The following MEF2C variants were observed in gnomAD, a reference collection of about 807,000 sequenced individuals.
The protein encoded by MEF2C is myocyte enhancer factor 2C.
MEF2C carries 6 observed loss-of-function variants against 50.5 expected under a neutral mutation model. The ratio of observed to expected loss-of-function variants is 0.12; its 90% CI spans 0.07 to 0.23. MEF2C has a LOEUF of 0.23. Among genes scored for constraint, MEF2C ranks in the 10% least tolerant of loss-of-function variants. The pLI, the probability that MEF2C is intolerant of heterozygous loss-of-function variation, is 1.00. For synonymous variants in MEF2C, 183 were observed against 228.0 expected (o/e 0.80, Z 1.78); for missense variants, 276 against 605.0 (o/e 0.46, Z 5.70).
intron 3 of MEF2C, among the ~76,000 whole-genome samples, chr5:88,774,656 T>G (rs1420000281): frequency 6.6e-6 from 1 of 152,222 alleles, no homozygotes; most frequent in Non-Finnish European, 1.5e-5. Context: ...TTGAATCCAT[T>G]TATCCTCTGT....
chr5:88,870,837 G>A (rs1265503190), intron 1 of MEF2C, among the ~76,000 whole-genome samples: 2 of 152,020 alleles, frequency 1.3e-5, no homozygotes, highest in Non-Finnish European at 2.9e-5. Flanking sequence ...AAACCCTTTC[G>A]GGTTCAAGTC....
intron 6 of MEF2C, among the ~76,000 whole-genome samples, chr5:88,744,515 T>A (rs1768407448): frequency 6.6e-6 from 1 of 152,216 alleles, no homozygotes; most frequent in African/African-American, 2.4e-5. Context: ...ATCACACCAC[T>A]GCACTCCAGC....
chr5:88,766,218 A>C (rs927140060), intron 3 of MEF2C, among the ~76,000 whole-genome samples: 1 of 152,168 alleles, frequency 6.6e-6, no homozygotes, highest in Non-Finnish European at 1.5e-5. Flanking sequence ...AAAAATTCTA[A>C]TGAAATAGAA....
chr5:88,896,334 T>C (rs1835113304), intron 1 of MEF2C, among the ~76,000 whole-genome samples: 1 of 152,212 alleles, frequency 6.6e-6, no homozygotes, highest in Non-Finnish European at 1.5e-5. Flanking sequence ...ACTTACCCTG[T>C]GTGCTCTCCC....
intron 1 of MEF2C, among the ~76,000 whole-genome samples, chr5:88,877,091 T>C (rs1385909715): frequency 6.6e-6 from 1 of 152,066 alleles, no homozygotes; most frequent in East Asian, 1.9e-4. Context: ...GCTCCATTCA[T>C]TTCAAATTTA....
intron 1 of MEF2C, chr5:88,838,566 T>C (rs1161255881): frequency 1.0e-6 from 1 of 985,004 alleles, no homozygotes; most frequent in Non-Finnish European, 1.2e-6. Context: ...AGAATTCTCA[T>C]CTGAGAATTA....
chr5:88,878,500 G>A (rs1045492242), intron 1 of MEF2C, among the ~76,000 whole-genome samples: 4 of 151,956 alleles, frequency 2.6e-5, no homozygotes, highest in African/African-American at 9.7e-5. Context: ...ACCAAAGTTG[G>A]CACCCACTAA....
At chr5:88,792,907 C>T (rs1794434013) in intron 3 of MEF2C, among the ~76,000 whole-genome samples, 1 of 152,120 alleles carries the variant, frequency 6.6e-6, no homozygotes, top group Admixed American at 6.6e-5. Flanking sequence ...CAACGTTATG[C>T]CACATGATAA....
chr5:88,848,031 C>T (rs1475694662), intron 1 of MEF2C, among the ~76,000 whole-genome samples: 8 of 152,174 alleles, frequency 5.3e-5, no homozygotes, highest in African/African-American at 1.9e-4. Context: ...AAATAAACTT[C>T]ATTCAGCACG....
intron 3 of MEF2C, among the ~76,000 whole-genome samples, chr5:88,795,926 A>G (rs1795847338): frequency 6.6e-6 from 1 of 152,140 alleles, no homozygotes. Context: ...GTTTCTGTTT[A>G]TGTGATGGAT....
intron 3 of MEF2C, among the ~76,000 whole-genome samples, chr5:88,769,381 TC>T (rs1320698616): frequency 6.6e-6 from 1 of 152,110 alleles, no homozygotes; most frequent in Non-Finnish European, 1.5e-5. Flanking sequence ...GATTCAGGCT[TC>T]CTCAGGACAG....
At chr5:88,754,860 A>G (rs893336624) in intron 4 of MEF2C, among the ~76,000 whole-genome samples, 2 of 152,216 alleles carry the variant, frequency 1.3e-5, no homozygotes, top group African/African-American at 4.8e-5. Flanking sequence ...CACAGGCCCT[A>G]TTAAGCTCTA....
chr5:88,839,321 ATCTCTCTCTCTCTC>A (rs71613097), intron 1 of MEF2C: 5 of 141,820 alleles, frequency 3.5e-5, no homozygotes, highest in Admixed American at 1.4e-4. Flanking sequence ...ACGCCACATT[ATCTCTCTCTCTCTC>A]TCTCTCTCTC....
At chr5:88,895,394 C>T (rs1438504213) in intron 1 of MEF2C, among the ~76,000 whole-genome samples, 1 of 152,108 alleles carries the variant, frequency 6.6e-6, no homozygotes, top group African/African-American at 2.4e-5. Flanking sequence ...TGGATTTCAT[C>T]AGACTTATGA....
At chr5:88,789,663 C>T (rs1792803633) in intron 3 of MEF2C, among the ~76,000 whole-genome samples, 1 of 152,112 alleles carries the variant, frequency 6.6e-6, no homozygotes, top group Non-Finnish European at 1.5e-5. Context: ...GTCATTAACT[C>T]TATGACCTTT....
chr5:88,761,081 G>T, intron 4 of MEF2C, 104 bp downstream of exon 4: 3 of 1,613,866 alleles, frequency 1.9e-6, no homozygotes, highest in Non-Finnish European at 2.5e-6. Context: ...AAGAGGAGTC[G>T]GGATCGGGGC....
chr5:88,831,100 C>T (rs183944631), intron 1 of MEF2C, among the ~76,000 whole-genome samples: 32 of 152,194 alleles, frequency 2.1e-4, no homozygotes, highest in Admixed American at 1.6e-3. Flanking sequence ...TTATATTCTT[C>T]ATCTTTAATA....
intron 2 of MEF2C, among the ~76,000 whole-genome samples, chr5:88,816,278 A>C (rs1805312533): frequency 6.6e-6 from 1 of 152,042 alleles, no homozygotes; most frequent in Admixed American, 6.6e-5. Context: ...GATCTAGCTG[A>C]CATAAATATA....
intron 6 of MEF2C, chr5:88,734,480 G>A (rs1039950646): frequency 3.0e-6 from 3 of 983,654 alleles, no homozygotes; most frequent in African/African-American, 1.8e-5. Context: ...AAACCGCTTC[G>A]TGAAATGTGT....
Sources: gnomAD v4.1 joint callset for allele counts (sites outside exome capture counted in the v4.1 genomes callset) on GRCh38, gnomAD v4.1.1 for gene constraint, MANE v1.5 for transcripts, NCBI Gene and HGNC (gene_info 2026-07-23, HGNC 2026-07-21) for gene names.